Variants in SEMA6D observed in about 807,000 individuals in gnomAD.
SEMA6D encodes semaphorin-6D.
Under a neutral mutation model 106.6 loss-of-function variants are expected in SEMA6D, and 35 were observed. That is an observed-to-expected ratio of 0.33 (90% CI 0.25 to 0.44). The LOEUF (loss-of-function observed/expected upper bound fraction) is 0.44. Ranked by LOEUF, SEMA6D falls within the 20% of genes least tolerant of loss-of-function variation. The probability of loss-of-function intolerance (pLI) is 1.00; values close to 1 mark genes in which losing one functional copy is unlikely to be tolerated. For missense variants in SEMA6D, 1,185 were observed against 1,345.9 expected (o/e 0.88, Z 1.87); for synonymous variants, 499 against 487.7 (o/e 1.02, Z -0.31).
chr15:47,762,125 C>T lies in SEMA6D; in HGVS notation c.539-75C>T, dbSNP rs1442785511. 4 of 1,558,366 alleles carry T rather than the reference C, an allele frequency of 2.6e-6. No homozygotes were observed. The East Asian group carries it at 6.7e-5, about 26-fold the overall frequency. ...ATACCAGTGAGAGCGCTCCAAAGGGCATAACACGCTGCCAAAGCTAACACA... is the reference window on the plus strand; with the variant it reads ...ATACCAGTGAGAGCGCTCCAAAGGGTATAACACGCTGCCAAAGCTAACACA... On this transcript the variant is annotated intron_variant, in intron 7 of 18. Transcript: ENST00000536845.
intron 17 of SEMA6D, among the ~76,000 whole-genome samples, chr15:47,767,747 A>G (rs1385728270): frequency 4.6e-5 from 7 of 152,228 alleles, no homozygotes; most frequent in Admixed American, 4.6e-4. Context: ...GCGTAGGCTT[A>G]CATTTTGAGG....
At chr15:47,302,280 G>A (rs183187948) in intron 1 of SEMA6D, among the ~76,000 whole-genome samples, 1 of 152,184 alleles carries the variant, frequency 6.6e-6, no homozygotes, top group Admixed American at 6.5e-5. Context: ...CTAGAAAATA[G>A]TTTTTATTCT....
intron 4 of SEMA6D, among the ~76,000 whole-genome samples, chr15:47,698,289 T>C (rs1356276753): frequency 6.6e-6 from 1 of 152,030 alleles, no homozygotes; most frequent in African/African-American, 2.4e-5. Flanking sequence ...AAGTAACCAA[T>C]AAAAGAGATG....
chr15:47,494,802 C>T (rs1596149320), intron 3 of SEMA6D, among the ~76,000 whole-genome samples: 3 of 55,934 alleles, frequency 5.4e-5, no homozygotes, highest in East Asian at 1.0e-3. Context: ...TCTCCAGATA[C>T]ACACACACAC....
intron 3 of SEMA6D, among the ~76,000 whole-genome samples, chr15:47,569,747 A>T (rs905214681): frequency 6.6e-6 from 1 of 152,208 alleles, no homozygotes; most frequent in South Asian, 2.1e-4. Context: ...TTAGTAAATT[A>T]TCTTGCTATG....
chr15:47,580,387 A>G (rs1298163011), intron 3 of SEMA6D, among the ~76,000 whole-genome samples: 1 of 152,230 alleles, frequency 6.6e-6, no homozygotes, highest in Non-Finnish European at 1.5e-5. Flanking sequence ...GAATACAGTT[A>G]GAGACCTTCT....
chr15:47,660,191 A>G (rs538027948), intron 4 of SEMA6D, among the ~76,000 whole-genome samples: 1 of 104,496 alleles, frequency 9.6e-6, no homozygotes, highest in South Asian at 2.8e-4. Context: ...CCCAATCAAC[A>G]TAATAAAAAA....
chr15:47,329,339 C>G (rs2037251370), intron 1 of SEMA6D, among the ~76,000 whole-genome samples: 1 of 152,202 alleles, frequency 6.6e-6, no homozygotes, highest in African/African-American at 2.4e-5. Flanking sequence ...CACTAATAAG[C>G]TGCACAGCTC....
chr15:47,682,026 A>T (rs1407859863), intron 4 of SEMA6D, among the ~76,000 whole-genome samples: 1 of 152,220 alleles, frequency 6.6e-6, no homozygotes, highest in Non-Finnish European at 1.5e-5. Flanking sequence ...GCTCCATAAC[A>T]TTAATCTTCC....
At chr15:47,405,631 TG>T (rs2146085529) in intron 1 of SEMA6D, among the ~76,000 whole-genome samples, 1 of 152,298 alleles carries the variant, frequency 6.6e-6, no homozygotes, top group South Asian at 2.1e-4. Flanking sequence ...TTGCTTCCTT[TG>T]TTTTCTGCTT....
intron 1 of SEMA6D, among the ~76,000 whole-genome samples, chr15:47,198,589 G>A (rs779059614): frequency 9.2e-5 from 14 of 152,128 alleles, no homozygotes; most frequent in African/African-American, 1.4e-4. Context: ...CCTGTGTTGT[G>A]TAACTCCCAA....
intron 3 of SEMA6D, among the ~76,000 whole-genome samples, chr15:47,579,824 G>A (rs1300506160): frequency 6.6e-6 from 1 of 152,124 alleles, no homozygotes; most frequent in African/African-American, 2.4e-5. Context: ...ATAAGATTGA[G>A]CTATTACTGA....
At chr15:47,333,074 C>T (rs1235753165) in intron 1 of SEMA6D, among the ~76,000 whole-genome samples, 3 of 152,130 alleles carry the variant, frequency 2.0e-5, no homozygotes, top group Non-Finnish European at 4.4e-5. Flanking sequence ...CTGTCACTTT[C>T]ATCGTTGTGT....
At chr15:47,298,239 C>T (rs2035880579) in intron 1 of SEMA6D, among the ~76,000 whole-genome samples, 1 of 152,162 alleles carries the variant, frequency 6.6e-6, no homozygotes, top group Non-Finnish European at 1.5e-5. Context: ...GCCCTGCCAT[C>T]TCCTAGCCCT....
chr15:47,524,369 C>A (rs187038782), intron 3 of SEMA6D, among the ~76,000 whole-genome samples: 1 of 152,270 alleles, frequency 6.6e-6, no homozygotes. Flanking sequence ...TTTCCACTTG[C>A]CTGCATACCG....
intron 2 of SEMA6D, among the ~76,000 whole-genome samples, chr15:47,442,143 C>G (rs1360319979): frequency 6.6e-6 from 1 of 152,074 alleles, no homozygotes; most frequent in African/African-American, 2.4e-5. Flanking sequence ...GTTCACAATA[C>G]ATTGACAATA....
chr15:47,521,624 A>G (rs770324559), intron 3 of SEMA6D, among the ~76,000 whole-genome samples: 4 of 152,214 alleles, frequency 2.6e-5, no homozygotes, highest in Non-Finnish European at 4.4e-5. Flanking sequence ...TCTCCTTAGA[A>G]CAGTGGGCAA....
At chr15:47,677,021 G>A (rs1218056163) in intron 4 of SEMA6D, among the ~76,000 whole-genome samples, 1 of 152,042 alleles carries the variant, frequency 6.6e-6, no homozygotes, top group Non-Finnish European at 1.5e-5. Context: ...TAGATCCCTT[G>A]GAGGCACAGT....
intron 1 of SEMA6D, among the ~76,000 whole-genome samples, chr15:47,247,187 C>G (rs1221519455): frequency 1.3e-5 from 2 of 151,960 alleles, no homozygotes; most frequent in Admixed American, 1.3e-4. Context: ...CCTGAAACGA[C>G]TAATAAGAGA....
Sources: gnomAD v4.1 joint callset for allele counts (sites outside exome capture counted in the v4.1 genomes callset) on GRCh38, gnomAD v4.1.1 for gene constraint, MANE v1.5 for transcripts, NCBI Gene and HGNC (gene_info 2026-07-23, HGNC 2026-07-21) for gene names.